The following MAGI1 variants were observed in gnomAD, a reference collection of about 807,000 sequenced individuals.
MAGI1 encodes membrane associated guanylate kinase, WW and PDZ domain containing 1.
A neutral mutation model predicts 139.9 loss-of-function variants in MAGI1; 58 were observed. That is an observed-to-expected ratio of 0.41 (90% confidence interval 0.34 to 0.52). The LOEUF is 0.52. Among genes scored for constraint, MAGI1 ranks in the 20% least tolerant of loss-of-function variants. The pLI is 0.12. For missense variants in MAGI1, 1,874 were observed against 1,901.6 expected (o/e 0.99, Z 0.27); for synonymous variants, 812 against 737.9 (o/e 1.10, Z -1.63).
chr3:65,641,332 C>T (rs748471219), intron 1 of MAGI1, among the ~76,000 whole-genome samples: 1 of 152,174 alleles, frequency 6.6e-6, no homozygotes, highest in Non-Finnish European at 1.5e-5. Context: ...TCAATGAACA[C>T]TGAAATCACC....
intron 2 of MAGI1, among the ~76,000 whole-genome samples, chr3:65,580,321 T>TC (rs1488896134): frequency 6.6e-6 from 1 of 151,844 alleles, no homozygotes; most frequent in African/African-American, 2.4e-5. Context: ...TTTTCTCCTT[T>TC]TTTTTTTCTT....
At chr3:65,542,965 C>T (rs867277143) in intron 2 of MAGI1, among the ~76,000 whole-genome samples, 20 of 152,096 alleles carry the variant, frequency 1.3e-4, no homozygotes, top group African/African-American at 4.8e-4. Context: ...TGAACAGGCA[C>T]CCTACAGAAT....
At chr3:65,602,284 C>A (rs1006514717) in intron 2 of MAGI1, among the ~76,000 whole-genome samples, 1 of 151,884 alleles carries the variant, frequency 6.6e-6, no homozygotes, top group African/African-American at 2.4e-5. Context: ...CTCATAATAG[C>A]CAAAAAGTGA....
intron 1 of MAGI1, among the ~76,000 whole-genome samples, chr3:65,987,304 T>C (rs538008598): frequency 3.9e-4 from 60 of 152,342 alleles, no homozygotes; most frequent in African/African-American, 1.3e-3. Context: ...CACCTTGTCA[T>C]GTGCTCTAGT....
chr3:65,566,794 C>A lies in MAGI1; in HGVS notation c.430+55178G>T, dbSNP rs547615038. The stretch of plus-strand genomic sequence containing the variant: ...AGGACCTCTGAGATGTCAGAAGAGG[C>A]CCAGGACACTCATAATTTTTGAGAC... On this transcript the variant is annotated intron_variant, in intron 2 of 22. Transcript: ENST00000402939. 1.3e-4 allele frequency among the ~76,000 whole-genome samples: 20 copies of A among 151,562 alleles called. No homozygotes were observed. The East Asian group carries it at 3.7e-3, about 28-fold the overall frequency.
chr3:65,718,044 T>C (rs938665804), intron 1 of MAGI1, among the ~76,000 whole-genome samples: 7 of 152,154 alleles, frequency 4.6e-5, no homozygotes, highest in Non-Finnish European at 8.8e-5. Context: ...TTCTATAACA[T>C]CTTCCATGCA....
chr3:65,783,542 G>A (rs144004188), intron 1 of MAGI1, among the ~76,000 whole-genome samples: 18 of 152,168 alleles, frequency 1.2e-4, no homozygotes, highest in Non-Finnish European at 2.2e-4. Flanking sequence ...CACCCAGGCT[G>A]GAGTGCAGTG....
chr3:65,805,245 AAAAC>A (rs1484799612), intron 1 of MAGI1, among the ~76,000 whole-genome samples: 4 of 152,204 alleles, frequency 2.6e-5, no homozygotes, highest in East Asian at 3.8e-4. Flanking sequence ...TTTACAAGAA[AAAAC>A]AAACAACCCC....
chr3:65,811,291 C>A (rs1485409427), intron 1 of MAGI1, among the ~76,000 whole-genome samples: 3 of 152,218 alleles, frequency 2.0e-5, no homozygotes, highest in Admixed American at 2.0e-4. Context: ...ACTATATTCA[C>A]TGACATTCCC....
chr3:65,923,999 G>C (rs772748282), intron 1 of MAGI1, among the ~76,000 whole-genome samples: 1 of 152,170 alleles, frequency 6.6e-6, no homozygotes, highest in Non-Finnish European at 1.5e-5. Flanking sequence ...AGACTCAGCT[G>C]TCCACAGAAG....
intron 2 of MAGI1, among the ~76,000 whole-genome samples, chr3:65,533,441 A>T (rs1049157275): frequency 6.6e-6 from 1 of 152,198 alleles, no homozygotes; most frequent in African/African-American, 2.4e-5. Context: ...TGTACCCGTA[A>T]TTGTCATTTT....
intron 1 of MAGI1, among the ~76,000 whole-genome samples, chr3:65,810,944 G>A (rs1462773201): frequency 6.6e-6 from 1 of 152,118 alleles, no homozygotes; most frequent in South Asian, 2.1e-4. Flanking sequence ...GCATATAGTA[G>A]GTACTTAATA....
intron 1 of MAGI1, among the ~76,000 whole-genome samples, chr3:65,909,896 C>T (rs183221543): frequency 2.6e-5 from 4 of 152,078 alleles, no homozygotes; most frequent in East Asian, 1.9e-4. Context: ...GGTTTGGGGA[C>T]GAAACTGTCC....
chr3:65,579,086 G>C (rs1489610253), intron 2 of MAGI1, among the ~76,000 whole-genome samples: 1 of 152,000 alleles, frequency 6.6e-6, no homozygotes, highest in African/African-American at 2.4e-5. Context: ...AAGAAGATTG[G>C]ATAATTACAT....
At chr3:65,566,085 C>T (rs2080618598) in intron 2 of MAGI1, among the ~76,000 whole-genome samples, 1 of 151,770 alleles carries the variant, frequency 6.6e-6, no homozygotes, top group African/African-American at 2.4e-5. Context: ...GAAACCCCAT[C>T]TCTACTAAAA....
At chr3:65,437,538 C>A (rs1041357197) in intron 9 of MAGI1, among the ~76,000 whole-genome samples, 1 of 151,866 alleles carries the variant, frequency 6.6e-6, no homozygotes, top group African/African-American at 2.4e-5. Flanking sequence ...GACATACAGT[C>A]AACTAATGGC....
At chr3:65,597,705 G>A (rs527329321) in intron 2 of MAGI1, 1 of 451,196 alleles carries the variant, frequency 2.2e-6, no homozygotes, top group Non-Finnish European at 4.5e-6. Flanking sequence ...AGCCTCTGCC[G>A]CCGCCTGCCT....
At chr3:65,771,070 G>A (rs923779351) in intron 1 of MAGI1, among the ~76,000 whole-genome samples, 4 of 151,922 alleles carry the variant, frequency 2.6e-5, no homozygotes, top group African/African-American at 9.7e-5. Context: ...GCTTTGGGAG[G>A]CCAAGGCGGG....
intron 11 of MAGI1, among the ~76,000 whole-genome samples, chr3:65,430,447 G>A (rs1047109461): frequency 1.3e-5 from 2 of 152,044 alleles, no homozygotes; most frequent in Non-Finnish European, 2.9e-5. Context: ...TACAGTTTTA[G>A]TAACTCATTG....
Sources: allele counts gnomAD v4.1 joint callset (sites outside exome capture counted in the v4.1 genomes callset), GRCh38; gene constraint gnomAD v4.1.1; transcripts MANE v1.5; gene names NCBI Gene and HGNC (gene_info 2026-07-23, HGNC 2026-07-21).